NYAP2: variants seen among roughly 807,000 people sequenced by gnomAD.
The protein encoded by NYAP2 is neuronal tyrosine-phosphorylated phosphoinositide-3-kinase adapter 2.
NYAP2 carries 23 observed loss-of-function variants against 50.4 expected under a neutral mutation model. The ratio of observed to expected loss-of-function variants is 0.46; its 90% CI spans 0.33 to 0.65. The LOEUF (loss-of-function observed/expected upper bound fraction) is 0.65, where lower values mean the gene tolerates loss of function less well. Ranked by LOEUF, NYAP2 falls within the 30% of genes least tolerant of loss-of-function variation. The probability of loss-of-function intolerance (pLI) is 0.02; values close to 1 mark genes in which losing one functional copy is unlikely to be tolerated. For synonymous variants in NYAP2, 394 were observed against 365.2 expected, an observed-to-expected ratio of 1.08 and a Z score of -0.90; for missense variants, 885 against 861.0, an observed-to-expected ratio of 1.03 and a Z score of -0.35.
chr2:225,651,722 C>A, exon 7 of NYAP2: 1 of 768,194 alleles, frequency 1.3e-6, no homozygotes, highest in Non-Finnish European at 2.1e-6. Flanking sequence ...AAAAGAATAT[C>A]TTTCTTCCTT....
intron 3 of NYAP2, among the ~76,000 whole-genome samples, chr2:225,428,156 G>C (rs908988708): frequency 7.9e-5 from 12 of 152,126 alleles, no homozygotes; most frequent in Non-Finnish European, 1.6e-4. Flanking sequence ...TAGTAAGAAA[G>C]CATTCTCCCT....
At chr2:225,410,899 C>T (rs1395686689) in intron 3 of NYAP2, among the ~76,000 whole-genome samples, 1 of 152,102 alleles carries the variant, frequency 6.6e-6, no homozygotes, top group Non-Finnish European at 1.5e-5. Flanking sequence ...CCTGTCATTA[C>T]ATAATAAGTG....
intron 3 of NYAP2, among the ~76,000 whole-genome samples, chr2:225,442,248 A>G (rs192833415): frequency 2.0e-5 from 3 of 152,300 alleles, no homozygotes; most frequent in Non-Finnish European, 2.9e-5. Flanking sequence ...GAGGCACAAA[A>G]GAAAAAACTG....
the NYAP2 span, among the ~76,000 whole-genome samples, chr2:225,679,493 GTT>G: frequency 0.013 from 1,354 of 103,762 alleles, 7 homozygotes; most frequent in African/African-American, 0.046. Flanking sequence ...GCTTCTAATT[GTT>G]TTTTTTTTTT....
At chr2:225,536,325 C>A (rs941784375) in intron 4 of NYAP2, among the ~76,000 whole-genome samples, 5 of 152,190 alleles carry the variant, frequency 3.3e-5, no homozygotes, top group African/African-American at 1.2e-4. Flanking sequence ...GAAAAATTCA[C>A]CTGCTTCCTG....
intron 3 of NYAP2, among the ~76,000 whole-genome samples, chr2:225,465,914 T>C (rs1689909092): frequency 6.6e-6 from 1 of 152,210 alleles, no homozygotes; most frequent in Admixed American, 6.5e-5. Context: ...GGTGAGATGC[T>C]CTGTTCCCTA....
the NYAP2 span, among the ~76,000 whole-genome samples, chr2:225,686,126 A>G: frequency 6.6e-6 from 1 of 152,122 alleles, no homozygotes; most frequent in Non-Finnish European, 1.5e-5. Flanking sequence ...GTAGGTTTTC[A>G]TTGTATGTCT....
chr2:225,647,458 C>T (rs1243658276), intron 6 of NYAP2, among the ~76,000 whole-genome samples: 1 of 152,130 alleles, frequency 6.6e-6, no homozygotes, highest in African/African-American at 2.4e-5. Flanking sequence ...ACGTTAAACA[C>T]CCGCACAAAA....
At chr2:225,659,990 G>T in the NYAP2 span, among the ~76,000 whole-genome samples, 1 of 152,268 alleles carries the variant, frequency 6.6e-6, no homozygotes, top group South Asian at 2.1e-4. Flanking sequence ...GTATACAACT[G>T]CTAGTGCATG....
At chr2:225,648,483 G>T (rs1390429021) in intron 6 of NYAP2, among the ~76,000 whole-genome samples, 2 of 152,090 alleles carry the variant, frequency 1.3e-5, no homozygotes, top group Non-Finnish European at 2.9e-5. Context: ...TCTGCATTGT[G>T]TCTAAGTTAG....
At chr2:225,684,079 T>A in the NYAP2 span, among the ~76,000 whole-genome samples, 2 of 152,162 alleles carry the variant, frequency 1.3e-5, no homozygotes, top group Non-Finnish European at 2.9e-5. Context: ...TTTAGGTCAA[T>A]GTGACTCAGA....
intron 5 of NYAP2, among the ~76,000 whole-genome samples, chr2:225,621,022 G>A (rs912063366): frequency 6.6e-6 from 1 of 151,688 alleles, no homozygotes; most frequent in Admixed American, 6.6e-5. Context: ...GCTGAGGCAG[G>A]AGAATGGCAT....
chr2:225,572,911 T>G (rs1692100372), intron 4 of NYAP2, among the ~76,000 whole-genome samples: 1 of 152,180 alleles, frequency 6.6e-6, no homozygotes, highest in Non-Finnish European at 1.5e-5. Context: ...CTGGTTGTTC[T>G]TCCTTTATAT....
intron 4 of NYAP2, among the ~76,000 whole-genome samples, chr2:225,540,938 C>T (rs575668291): frequency 3.4e-4 from 51 of 152,214 alleles, no homozygotes; most frequent in African/African-American, 8.9e-4. Context: ...TCCATATCCA[C>T]GCCAGCCTTT....
chr2:225,572,176 C>T (rs564299983), intron 4 of NYAP2, among the ~76,000 whole-genome samples: 1 of 152,348 alleles, frequency 6.6e-6, no homozygotes, highest in South Asian at 2.1e-4. Context: ...CCCACGTTTT[C>T]CTTTCTTCTT....
intron 3 of NYAP2, among the ~76,000 whole-genome samples, chr2:225,509,605 G>C (rs1187028991): frequency 6.6e-6 from 1 of 152,108 alleles, no homozygotes; most frequent in Non-Finnish European, 1.5e-5. Flanking sequence ...ACTACACAAG[G>C]GGTGTTCAAA....
rs370193567 is a variant in NYAP2 at position 225,540,605 on chromosome 2, G to A, written c.523+26933G>A. Among the ~76,000 whole-genome samples the A allele has an allele frequency of 3.9e-5, 6 of 152,240 alleles. No homozygotes were observed. In the East Asian group the frequency reaches 1.2e-3, roughly 29 times the overall value. On this transcript the variant is annotated intron_variant, in intron 4 of 6. Transcript: ENST00000636099. ...ACTTGGAAATTCAAGATGAGATTTG[G>A]GTGGGGACACAGCCAAATCATATCA...
At chr2:225,702,609 A>G in the NYAP2 span, 1 of 151,676 alleles carries the variant, frequency 6.6e-6, no homozygotes, top group Non-Finnish European at 1.5e-5. Context: ...GTGTGCATAT[A>G]TAATATGTAC....
intron 5 of NYAP2, among the ~76,000 whole-genome samples, chr2:225,598,357 T>C (rs1692641511): frequency 6.6e-6 from 1 of 152,058 alleles, no homozygotes; most frequent in Admixed American, 6.5e-5. Context: ...ATAAAAATTT[T>C]GCTTCCAAAA....
Sources: gnomAD v4.1 joint callset for allele counts (sites outside exome capture counted in the v4.1 genomes callset) on GRCh38, gnomAD v4.1.1 for gene constraint, MANE v1.5 for transcripts, NCBI Gene and HGNC (gene_info 2026-07-23, HGNC 2026-07-21) for gene names.